WWOX: variants seen among roughly 807,000 people sequenced by gnomAD.
The protein encoded by WWOX is WW domain containing oxidoreductase.
In WWOX, 69 loss-of-function variants were observed where a neutral mutation model predicts 46.2. The observed-to-expected ratio is 1.49, with a 90% confidence interval of 1.23 to 1.82. WWOX has a LOEUF of 1.82. WWOX is among the 40% of genes most tolerant of loss of function. The pLI is 0.00. For missense variants in WWOX, 919 were observed against 542.6 expected (o/e 1.69, Z -6.89); for synonymous variants, 359 against 202.6 (o/e 1.77, Z -6.56).
At position 79,187,301 on chromosome 16, in the gene WWOX, A is replaced by G. The variant is rs534694765; in HGVS notation, c.1057-24307A>G. Among the ~76,000 whole-genome samples the G allele has an allele frequency of 1.9e-3, 292 of 152,316 alleles. 1 individual carries two copies. Among genetic ancestry groups the G allele is most frequent in the African/African-American group, 6.4e-3 (266 of 41,566 alleles). On this transcript the variant is annotated intron_variant, in intron 8 of 8. Transcript: ENST00000566780. ...ATAGTGGTTATTATTACTAGAAAGA[A>G]TATCGTGGTGCCCCCAAACATGGAT...
At chr16:78,759,567 T>C (rs1402811134) in intron 8 of WWOX, among the ~76,000 whole-genome samples, 2 of 152,128 alleles carry the variant, frequency 1.3e-5, no homozygotes, top group African/African-American at 4.8e-5. Context: ...CATTGAATCC[T>C]TTAAACTAAC....
intron 8 of WWOX, among the ~76,000 whole-genome samples, chr16:78,757,351 C>T (rs1389639359): frequency 3.1e-5 from 4 of 127,504 alleles, no homozygotes; most frequent in East Asian, 2.3e-4. Flanking sequence ...CACCCCAGCA[C>T]CCCAGCATGA....
chr16:79,161,082 C>T (rs149401984), intron 8 of WWOX, among the ~76,000 whole-genome samples: 274 of 152,330 alleles, frequency 1.8e-3, no homozygotes, highest in African/African-American at 6.2e-3. Flanking sequence ...GCACAAACAC[C>T]TCTAGGTATT....
chr16:78,385,789 T>G (rs2082048033), intron 5 of WWOX, among the ~76,000 whole-genome samples: 1 of 152,244 alleles, frequency 6.6e-6, no homozygotes, highest in South Asian at 2.1e-4. Context: ...GTCAACCGTT[T>G]GTTTTACGGG....
At chr16:78,616,051 G>C (rs991228821) in intron 8 of WWOX, among the ~76,000 whole-genome samples, 1 of 152,004 alleles carries the variant, frequency 6.6e-6, no homozygotes, top group Non-Finnish European at 1.5e-5. Flanking sequence ...TGCCTGGCCA[G>C]GATAATCTTT....
intron 8 of WWOX, among the ~76,000 whole-genome samples, chr16:78,646,157 AG>A (rs1351065562): frequency 6.6e-6 from 1 of 152,176 alleles, no homozygotes; most frequent in Admixed American, 6.5e-5. Flanking sequence ...TGCAGGTTTC[AG>A]GGTAGAGCAT....
chr16:78,151,429 T>A (rs918433480), intron 4 of WWOX, among the ~76,000 whole-genome samples: 1 of 152,116 alleles, frequency 6.6e-6, no homozygotes, highest in Admixed American at 6.5e-5. Flanking sequence ...GAAATGACAA[T>A]GACACTTTAT....
intron 8 of WWOX, among the ~76,000 whole-genome samples, chr16:78,979,018 C>T (rs956727586): frequency 6.6e-6 from 1 of 152,078 alleles, no homozygotes; most frequent in African/African-American, 2.4e-5. Flanking sequence ...CCAGCATCGA[C>T]CTTCATCAGC....
At chr16:79,083,008 C>T (rs1395936918) in intron 8 of WWOX, among the ~76,000 whole-genome samples, 2 of 152,148 alleles carry the variant, frequency 1.3e-5, no homozygotes, top group African/African-American at 4.8e-5. Context: ...CTACCTGGCA[C>T]TCCTACCAAA....
chr16:78,587,438 A>C (rs886412987), intron 8 of WWOX, among the ~76,000 whole-genome samples: 1 of 152,130 alleles, frequency 6.6e-6, no homozygotes, highest in Non-Finnish European at 1.5e-5. Context: ...CAACTCTCTT[A>C]CAGATTTTTA....
chr16:78,706,860 C>A (rs2048338303), intron 8 of WWOX, among the ~76,000 whole-genome samples: 2 of 152,062 alleles, frequency 1.3e-5, no homozygotes. Context: ...GTAATTGACG[C>A]AATCCTGGCT....
chr16:78,252,320 A>G (rs532428059), intron 5 of WWOX, among the ~76,000 whole-genome samples: 2 of 152,346 alleles, frequency 1.3e-5, no homozygotes, highest in East Asian at 3.9e-4. Flanking sequence ...ATTGTTTTGT[A>G]TATATTTGTC....
At chr16:78,199,602 C>T (rs1290256189) in intron 5 of WWOX, among the ~76,000 whole-genome samples, 2 of 152,276 alleles carry the variant, frequency 1.3e-5, no homozygotes, top group Admixed American at 1.3e-4. Flanking sequence ...GCCATTCGCT[C>T]ACTAGCAGCT....
intron 8 of WWOX, among the ~76,000 whole-genome samples, chr16:78,731,200 A>T (rs923256001): frequency 6.6e-6 from 1 of 152,124 alleles, no homozygotes; most frequent in African/African-American, 2.4e-5. Context: ...ATATTTCATT[A>T]TCTGTATTAA....
chr16:79,060,535 T>G (rs993371500), intron 8 of WWOX, among the ~76,000 whole-genome samples: 29 of 152,266 alleles, frequency 1.9e-4, no homozygotes, highest in African/African-American at 6.5e-4. Context: ...CAGCACTGAC[T>G]GGTGATGAAT....
intron 8 of WWOX, among the ~76,000 whole-genome samples, chr16:78,988,579 C>T (rs561372485): frequency 6.2e-4 from 95 of 152,178 alleles, no homozygotes; most frequent in African/African-American, 2.1e-3. Flanking sequence ...ACATCCCCGC[C>T]CCTTCAACTC....
At chr16:79,104,755 G>C (rs2049273278) in intron 8 of WWOX, among the ~76,000 whole-genome samples, 1 of 152,054 alleles carries the variant, frequency 6.6e-6, no homozygotes, top group Non-Finnish European at 1.5e-5. Flanking sequence ...GAGTCATTTG[G>C]AGACCTACAG....
chr16:78,700,090 A>G (rs1040143592), intron 8 of WWOX, among the ~76,000 whole-genome samples: 3 of 151,694 alleles, frequency 2.0e-5, no homozygotes, highest in Admixed American at 2.0e-4. Context: ...ATACTGTCCT[A>G]GGGTCATTTT....
intron 4 of WWOX, among the ~76,000 whole-genome samples, chr16:78,134,868 A>G (rs1417277992): frequency 6.6e-6 from 1 of 152,242 alleles, no homozygotes; most frequent in Non-Finnish European, 1.5e-5. Flanking sequence ...ATATTGTCAT[A>G]TGGTGATCCC....
Sources: gnomAD v4.1 joint callset for allele counts (sites outside exome capture counted in the v4.1 genomes callset) on GRCh38, gnomAD v4.1.1 for gene constraint, MANE v1.5 for transcripts, NCBI Gene and HGNC (gene_info 2026-07-23, HGNC 2026-07-21) for gene names.